SFMBT2: variants seen among roughly 807,000 people sequenced by gnomAD.
SFMBT2 encodes scm-like with four MBT domains protein 2.
In SFMBT2, 38 loss-of-function variants were observed where a neutral mutation model predicts 110.1. The ratio of observed to expected loss-of-function variants is 0.35; its 90% confidence interval spans 0.27 to 0.45. The LOEUF is 0.45. SFMBT2 is among the 20% of genes least tolerant of loss of function. SFMBT2 has a pLI of 1.00. For missense variants in SFMBT2, 1,011 were observed against 1,094.9 expected (o/e 0.92, Z 1.08); for synonymous variants, 425 against 425.4 (o/e 1.00, Z 0.01).
intron 4 of SFMBT2, among the ~76,000 whole-genome samples, chr10:7,365,130 G>A (rs1844850126): frequency 6.6e-6 from 1 of 152,172 alleles, no homozygotes; most frequent in Non-Finnish European, 1.5e-5. Flanking sequence ...GCCTCCCAGG[G>A]TGTGCCTCCT....
intron 7 of SFMBT2, among the ~76,000 whole-genome samples, chr10:7,265,951 CTA>C (rs1841374903): frequency 6.6e-6 from 1 of 152,126 alleles, no homozygotes; most frequent in East Asian, 1.9e-4. Context: ...ATGCAAAAAA[CTA>C]TTTAAATTAA....
intron 7 of SFMBT2, among the ~76,000 whole-genome samples, chr10:7,250,968 A>G (rs1445600557): frequency 1.3e-5 from 2 of 152,196 alleles, no homozygotes; most frequent in Non-Finnish European, 2.9e-5. Context: ...CATCACAACT[A>G]AACCAACATT....
chr10:7,183,937 A>C (rs992147804), intron 16 of SFMBT2, among the ~76,000 whole-genome samples: 3 of 152,162 alleles, frequency 2.0e-5, no homozygotes, highest in South Asian at 2.1e-4. Flanking sequence ...TACACATGTA[A>C]GTGGGCTGTT....
chr10:7,388,917 G>A (rs939733487), intron 1 of SFMBT2, among the ~76,000 whole-genome samples: 1 of 152,100 alleles, frequency 6.6e-6, no homozygotes, highest in Non-Finnish European at 1.5e-5. Context: ...TAGGCGAGAT[G>A]GATGAATGGA....
intron 8 of SFMBT2, among the ~76,000 whole-genome samples, chr10:7,246,718 C>CAAA (rs397949347): frequency 3.3e-3 from 235 of 71,044 alleles, no homozygotes; most frequent in African/African-American, 4.5e-3. Context: ...GACTCCATCT[C>CAAA]AAAAAAAAAA....
At chr10:7,366,436 A>C (rs1415215500) in intron 4 of SFMBT2, among the ~76,000 whole-genome samples, 2 of 151,894 alleles carry the variant, frequency 1.3e-5, no homozygotes, top group East Asian at 3.9e-4. Context: ...CATAACAAAA[A>C]AAAAAAAAAA....
At chr10:7,286,166 G>A (rs1842081435) in intron 4 of SFMBT2, among the ~76,000 whole-genome samples, 2 of 152,184 alleles carry the variant, frequency 1.3e-5, no homozygotes, top group Admixed American at 1.3e-4. Context: ...CATACCACAT[G>A]CTTGGGCACC....
intron 4 of SFMBT2, among the ~76,000 whole-genome samples, chr10:7,289,764 A>G (rs1043290318): frequency 6.6e-6 from 1 of 152,222 alleles, no homozygotes; most frequent in African/African-American, 2.4e-5. Flanking sequence ...ATTGCTATAA[A>G]ATAAAAACTA....
At chr10:7,280,923 T>C (rs1344571077) in intron 6 of SFMBT2, among the ~76,000 whole-genome samples, 1 of 152,114 alleles carries the variant, frequency 6.6e-6, no homozygotes, top group African/African-American at 2.4e-5. Flanking sequence ...TGCTGAACAG[T>C]TGAGAAATAC....
At chr10:7,370,852 A>T in intron 2 of SFMBT2, 1 of 969,076 alleles carries the variant, frequency 1.0e-6, no homozygotes, top group South Asian at 4.8e-5. Flanking sequence ...GGGGAAAAAG[A>T]GAAAATGAGG....
intron 4 of SFMBT2, among the ~76,000 whole-genome samples, chr10:7,340,894 A>G (rs1843880491): frequency 6.6e-6 from 1 of 152,112 alleles, no homozygotes; most frequent in Admixed American, 6.5e-5. Context: ...GTACACAGAA[A>G]CTAAAGGCAT....
At chr10:7,287,616 C>T (rs914930283) in intron 4 of SFMBT2, among the ~76,000 whole-genome samples, 17 of 152,306 alleles carry the variant, frequency 1.1e-4, no homozygotes, top group Admixed American at 1.0e-3. Flanking sequence ...GATGAACCAC[C>T]CATCACAGCC....
In SFMBT2 at chr10:7,171,953, G is replaced by T; in HGVS notation, c.2357C>A (p.Ala786Asp). Residue 786 changes from alanine (A) to aspartate (D), a missense_variant, in exon 19 of 21, where the codon GCT (alanine) becomes GAT (aspartate). This residue lies in a region of SFMBT2 where 979 missense variants were observed against 1,016.1 expected (regional missense o/e 0.96). Coordinates refer to ENST00000397167, the MANE Select transcript of SFMBT2 (RefSeq NM_001387889.1). The surrounding 1 kb of genome is among the most constrained non-coding windows in gnomAD (Gnocchi z 4.9). ...ERTRRGRGAPAASSAEEGEKC... is the reference protein window; with the variant it reads ...ERTRRGRGAPDASSAEEGEKC... Reference sequence around the variant, plus strand: ...CTCCCCTTCCTCTGCTGAGGAGGCAGCCGGCGCCCCGCGGCCCCTTCGTGT... The same window carrying T: ...CTCCCCTTCCTCTGCTGAGGAGGCATCCGGCGCCCCGCGGCCCCTTCGTGT... The T allele has an allele frequency of 1.4e-6, 2 of 1,474,994 alleles. No homozygotes were observed. Among genetic ancestry groups the T allele is most frequent in the Non-Finnish European group, 9.0e-7 (1 of 1,116,224 alleles). 91.4% of individuals were successfully genotyped at this position (1,474,994 alleles called of 1,614,324 possible).
At chr10:7,214,838 G>A (rs1839480101) in intron 11 of SFMBT2, 1 of 842,980 alleles carries the variant, frequency 1.2e-6, no homozygotes, top group African/African-American at 1.8e-5. Flanking sequence ...TTCCATGCCT[G>A]TTTTAATTTA....
chr10:7,229,842 T>G (rs1051734328), intron 9 of SFMBT2, among the ~76,000 whole-genome samples: 61 of 150,458 alleles, frequency 4.1e-4, no homozygotes, highest in African/African-American at 1.5e-3. Context: ...TGCCTCAGCC[T>G]CCTGAGTAGC....
chr10:7,268,829 A>C (rs755328807), intron 7 of SFMBT2, among the ~76,000 whole-genome samples: 3 of 152,198 alleles, frequency 2.0e-5, no homozygotes, highest in Non-Finnish European at 4.4e-5. Context: ...CTTTCTAAAC[A>C]TATCTTAAGT....
At chr10:7,370,226 A>G in intron 3 of SFMBT2, 55 bp downstream of exon 3, 3 of 1,459,838 alleles carry the variant, frequency 2.1e-6, no homozygotes, top group Non-Finnish European at 2.9e-6. Context: ...CTCCCTATAG[A>G]TTCCTTCCCT....
intron 16 of SFMBT2, among the ~76,000 whole-genome samples, 173 bp downstream of exon 16, chr10:7,188,451 G>A (rs1050376847): frequency 2.6e-5 from 4 of 152,148 alleles, no homozygotes; most frequent in East Asian, 1.9e-4. Flanking sequence ...TTAAGGCAAC[G>A]CTGTATGGCA....
rs35306837 is a variant in SFMBT2, at chr10:7,375,751, CCACACACACACACACACA to C, written c.101-5394_101-5377del. Among the ~76,000 whole-genome samples, 98 of 124,766 alleles carry C rather than the reference CCACACACACACACACACA, an allele frequency of 7.9e-4. 1 individual carries two copies. Among genetic ancestry groups the C allele is most frequent in the Non-Finnish European group, 1.1e-3 (67 of 60,442 alleles). The allele number at this position is 124,766 out of a possible 152,430, so 81.9% of individuals were successfully genotyped here. ...AGTTACTCTAGGAGAAAAGAAAAAA[CCACACACACACACACACA>C]CACACACACACACACACACACACAC... On this transcript the variant is annotated intron_variant, in intron 2 of 20. Coordinates refer to ENST00000397167, the MANE Select transcript of SFMBT2 (RefSeq NM_001387889.1).
Sources: allele counts gnomAD v4.1 joint callset (sites outside exome capture counted in the v4.1 genomes callset), GRCh38; gene constraint gnomAD v4.1.1; regional missense constraint gnomAD v4.1.1; non-coding constraint Gnocchi (gnomAD v3.1); transcripts MANE v1.5; gene names NCBI Gene and HGNC (gene_info 2026-07-23, HGNC 2026-07-21).